The following GARNL3 variants were observed in gnomAD, a reference collection of about 807,000 sequenced individuals.
GARNL3 encodes GTPase activating Rap/RanGAP domain like 3, also known as GTPase-activating Rap/Ran-GAP domain-like protein 3.
A neutral mutation model predicts 125.0 loss-of-function variants in GARNL3; 63 were observed. That is an observed-to-expected ratio of 0.50 (90% CI 0.41 to 0.62). The LOEUF (loss-of-function observed/expected upper bound fraction) is 0.62. Among genes scored for constraint, GARNL3 ranks in the 20% least tolerant of loss-of-function variants. The pLI, the probability that GARNL3 is intolerant of heterozygous loss-of-function variation, is 0.00. For missense variants in GARNL3, 994 were observed against 1,244.0 expected, an observed-to-expected ratio of 0.80 and a Z score of 3.02; for synonymous variants, 439 against 457.5, an observed-to-expected ratio of 0.96 and a Z score of 0.52.
At chr9:127,375,008 G>A (rs576619597) in intron 22 of GARNL3, among the ~76,000 whole-genome samples, 49 of 152,246 alleles carry the variant, frequency 3.2e-4, no homozygotes, top group African/African-American at 1.1e-3. Flanking sequence ...ACGATTGCTC[G>A]TAATCAGTGT....
chr9:127,351,679 T>G (rs1197500994), intron 17 of GARNL3, among the ~76,000 whole-genome samples: 2 of 152,242 alleles, frequency 1.3e-5, no homozygotes, highest in African/African-American at 4.8e-5. Context: ...TCATTAGATG[T>G]ATCCCTTGAG....
At chr9:127,246,955 G>A (rs1192272268) in intron 2 of GARNL3, among the ~76,000 whole-genome samples, 4 of 103,102 alleles carry the variant, frequency 3.9e-5, no homozygotes, top group African/African-American at 1.1e-4. Context: ...TTTTTTTTGC[G>A]TCAATGTTAA....
rs899391492 is a variant in GARNL3 at position 127,385,439 on chromosome 9, A to G, written c.2388+294A>G. The stretch of plus-strand genomic sequence containing the variant: ...TCCCCGCTCAGAGACTGGGTCAGTT[A>G]TTCATGTCACTGCTGCCCTGGAGGA... On this transcript the variant is annotated intron_variant, in intron 24 of 27. Coordinates refer to ENST00000373387, the MANE Select transcript of GARNL3 (RefSeq NM_032293.5). The surrounding 1 kb of genome is among the most constrained non-coding windows in gnomAD (Gnocchi z 4.1). Among the ~76,000 whole-genome samples the G allele has an allele frequency of 3.9e-5, 6 of 152,184 alleles. No homozygotes were observed. In the East Asian group the frequency reaches 1.2e-3, roughly 29 times the overall value.
At chr9:127,294,417 C>G (rs1314478655) in intron 2 of GARNL3, among the ~76,000 whole-genome samples, 1 of 152,118 alleles carries the variant, frequency 6.6e-6, no homozygotes, top group Non-Finnish European at 1.5e-5. Context: ...AATTCTTCTG[C>G]CTCAGCCTCC....
At chr9:127,269,950 TTATC>T (rs914786686) in intron 1 of GARNL3, among the ~76,000 whole-genome samples, 7 of 152,304 alleles carry the variant, frequency 4.6e-5, no homozygotes, top group East Asian at 3.9e-4. Context: ...GAAGTAAAAT[TTATC>T]TATTATTTAT....
intron 4 of GARNL3, among the ~76,000 whole-genome samples, chr9:127,317,779 TG>T (rs1204669034): frequency 6.6e-6 from 1 of 152,182 alleles, no homozygotes; most frequent in East Asian, 1.9e-4. Flanking sequence ...CCTTCTCATC[TG>T]GTTCAGATGG....
At chr9:127,289,446 C>A (rs1045258543) in intron 1 of GARNL3, among the ~76,000 whole-genome samples, 1 of 152,232 alleles carries the variant, frequency 6.6e-6, no homozygotes, top group African/African-American at 2.4e-5. Flanking sequence ...TTCCCATTGT[C>A]CTCTCCTGAT....
Position 127,365,339 on chromosome 9 carries a change from G to A in GARNL3, c.2134G>A (p.Glu712Lys). 1 of 1,614,010 alleles carries A rather than the reference G, an allele frequency of 6.2e-7. No individual in the cohort carries two copies. Residue 712 changes from glutamate (E) to lysine (K), a missense_variant, in exon 22 of 28, where the codon GAA becomes AAA. Physicochemically the swap from Glu to Lys is moderately conservative, Grantham distance 56. Around this residue, in one of 5 missense-constraint regions of GARNL3, gnomAD observed 728 missense variants for 865.7 expected, o/e 0.84. Coordinates refer to ENST00000373387, the MANE Select transcript of GARNL3 (RefSeq NM_032293.5). ...VAAIDVYEDGEAGLLLCYNYS... is the reference protein window; with the variant it reads ...VAAIDVYEDGKAGLLLCYNYS... The stretch of plus-strand genomic sequence containing the variant: ...AGCTATTGATGTGTACGAAGATGGA[G>A]AAGCTGGTTTGCTGTTGTGTTACAA...
chr9:127,300,745 G>A (rs1365786499), intron 2 of GARNL3: 4 of 347,016 alleles, frequency 1.2e-5, no homozygotes, highest in South Asian at 2.4e-5. Flanking sequence ...GCGAGCCACC[G>A]CGCCTGGCCC....
intron 27 of GARNL3, among the ~76,000 whole-genome samples, chr9:127,391,134 AAGT>A (rs1397925180): frequency 6.6e-6 from 1 of 151,620 alleles, no homozygotes; most frequent in Admixed American, 6.6e-5. Flanking sequence ...AAAATACAAA[AAGT>A]AGCCGGGCGT....
intron 1 of GARNL3, among the ~76,000 whole-genome samples, chr9:127,279,088 A>G (rs1339839904): frequency 6.6e-6 from 1 of 152,156 alleles, no homozygotes; most frequent in Non-Finnish European, 1.5e-5. Flanking sequence ...ACACTATTCA[A>G]CCAGTACAGT....
At chr9:127,225,757 C>G (rs1314836810) in intron 1 of GARNL3, among the ~76,000 whole-genome samples, 1 of 104,080 alleles carries the variant, frequency 9.6e-6, no homozygotes, top group Non-Finnish European at 2.1e-5. Flanking sequence ...GGCTTCCTTC[C>G]GGCGCCCGCG....
At chr9:127,268,972 C>A (rs1414059763) in intron 1 of GARNL3, among the ~76,000 whole-genome samples, 1 of 152,120 alleles carries the variant, frequency 6.6e-6, no homozygotes, top group African/African-American at 2.4e-5. Flanking sequence ...TGATACACCA[C>A]ATTTTGTTTA....
At chr9:127,259,614 C>T (rs1165270796), upstream of GARNL3, among the ~76,000 whole-genome samples, 1 of 152,148 alleles carries the variant, frequency 6.6e-6, no homozygotes, top group Non-Finnish European at 1.5e-5. Context: ...CTGCTTGGCC[C>T]TGGGTCTCCC....
intron 22 of GARNL3, among the ~76,000 whole-genome samples, chr9:127,378,108 G>A (rs550579464): frequency 1.5e-4 from 23 of 152,040 alleles, no homozygotes; most frequent in Admixed American, 9.8e-4. Context: ...AGGCATGGTG[G>A]CACATGCTTG....
intron 1 of GARNL3, among the ~76,000 whole-genome samples, chr9:127,269,093 G>A (rs527327926): frequency 1.7e-4 from 26 of 152,034 alleles, no homozygotes; most frequent in Admixed American, 6.6e-5. Context: ...TGACCTCCTG[G>A]GCTCAAGTAA....
At chr9:127,293,403 G>A (rs1340423311) in intron 2 of GARNL3, among the ~76,000 whole-genome samples, 1 of 152,116 alleles carries the variant, frequency 6.6e-6, no homozygotes, top group African/African-American at 2.4e-5. Flanking sequence ...CTCCTATTCT[G>A]TGGGTTATCT....
At position 127,384,911 on chromosome 9, in the gene GARNL3, C is replaced by T; in HGVS notation, c.2270-116C>T. 1.7e-6 allele frequency: 1 copy of T among 580,374 alleles called. No individual in the cohort carries two copies. Among genetic ancestry groups the T allele is most frequent in the Non-Finnish European group, 3.1e-6 (1 of 322,898 alleles). 36.0% of individuals were successfully genotyped at this position (580,374 alleles called of 1,614,324 possible). A position where few individuals can be genotyped will look rare whatever the true frequency, so the allele number is the denominator to read the frequency against. Reference sequence around the variant, plus strand: ...ACATGTGAAGGAAGGAGAGAAGCAGCCAGAGGAATGAGAGATGGAAGTTTC... The same window carrying T: ...ACATGTGAAGGAAGGAGAGAAGCAGTCAGAGGAATGAGAGATGGAAGTTTC... On this transcript the variant is annotated intron_variant, in intron 23 of 27. Coordinates refer to ENST00000373387, the MANE Select transcript of GARNL3 (RefSeq NM_032293.5). The surrounding 1 kb of genome is among the most constrained non-coding windows in gnomAD (Gnocchi z 4.0).
chr9:127,342,669 A>G (rs1471747384), intron 14 of GARNL3, among the ~76,000 whole-genome samples: 1 of 151,852 alleles, frequency 6.6e-6, no homozygotes, highest in Non-Finnish European at 1.5e-5. Context: ...TGGTAATACT[A>G]CTCAGCATTG....
Sources: allele counts gnomAD v4.1 joint callset (sites outside exome capture counted in the v4.1 genomes callset), GRCh38; gene constraint gnomAD v4.1.1; regional missense constraint gnomAD v4.1.1; non-coding constraint Gnocchi (gnomAD v3.1); transcripts MANE v1.5; gene names NCBI Gene and HGNC (gene_info 2026-07-23, HGNC 2026-07-21).